ZNF717: variants seen among roughly 807,000 people sequenced by gnomAD.
ZNF717 encodes the protein zinc finger protein 717.
In ZNF717, 9 loss-of-function variants were observed where a neutral mutation model predicts 13.8. The ratio of observed to expected loss-of-function variants is 0.65; its 90% CI spans 0.39 to 1.14. The LOEUF is 1.14. Among genes scored for constraint, ZNF717 ranks in the 50% most tolerant of loss-of-function variants. The probability of loss-of-function intolerance (pLI) is 0.01; values close to 1 mark genes in which losing one functional copy is unlikely to be tolerated. For synonymous variants in ZNF717, 327 were observed against 364.1 expected (o/e 0.90, Z 1.16); for missense variants, 1,040 against 1,080.7 (o/e 0.96, Z 0.53).
chr3:75,763,118 G>A (rs1287169131), intron 2 of ZNF717, among the ~76,000 whole-genome samples: 2 of 152,172 alleles, frequency 1.3e-5, no homozygotes, highest in Non-Finnish European at 2.9e-5. Context: ...AATGCTTTAT[G>A]ACAATGAATT....
downstream of ZNF717, among the ~76,000 whole-genome samples, chr3:75,708,871 G>A (rs1365255990): frequency 6.6e-6 from 1 of 152,196 alleles, no homozygotes; most frequent in Non-Finnish European, 1.5e-5. Flanking sequence ...TCTGGCATCT[G>A]CTTCTGGTGA....
rs77636091 is a variant in ZNF717, at chr3:75,739,263, G to A, written c.360C>T (p.Ser120=). ...CAACTCTCTCCTGAGTTGATGTGTT[G>A]CTGTTGGTGATTACAATTTGCCAGA... ...RFFWQIVITN[S]NTSTQERVEL... is the part of the protein sequence containing the mutation. The change falls in exon 5 of 5, where the codon AGC becomes AGT. Residue 120 remains serine (S), a synonymous_variant. Coordinates refer to ENST00000652011, the MANE Select transcript of ZNF717 (RefSeq NM_001290208.3). The A allele has an allele frequency of 6.5e-7, 1 of 1,529,128 alleles. No individual in the cohort carries two copies. The highest frequency in any genetic ancestry group is 2.2e-5 in the Admixed American group (1 of 46,168). The allele number at this position is 1,529,128 out of a possible 1,614,324, so 94.7% of individuals were successfully genotyped here.
At chr3:75,751,851 C>T (rs796261641) in intron 2 of ZNF717, among the ~76,000 whole-genome samples, 5 of 151,636 alleles carry the variant, frequency 3.3e-5, no homozygotes, top group Admixed American at 1.3e-4. Context: ...TTCTCCCTCA[C>T]GTAAGATTTC....
chr3:75,738,113 C>T lies in ZNF717; in HGVS notation c.1510G>A (p.Glu504Lys), dbSNP rs80019510. 7.4e-7 allele frequency: 1 copy of T among 1,352,426 alleles called. No homozygotes were observed. The highest frequency in any genetic ancestry group is 9.9e-7 in the Non-Finnish European group (1 of 1,012,830). The allele number at this position is 1,352,426 out of a possible 1,614,324, so 83.8% of individuals were successfully genotyped here. Residue 504 changes from glutamate to lysine, a missense_variant, in exon 5 of 5, where the codon GAA becomes AAA. Physicochemically the swap from Glu to Lys is moderately conservative, Grantham distance 56. Around this residue, in one of 3 missense-constraint regions of ZNF717, gnomAD observed 873 missense variants for 832.8 expected, o/e 1.05. Coordinates refer to ENST00000652011, the MANE Select transcript of ZNF717 (RefSeq NM_001290208.3). ...CATTCATTGCATTCGTAGGGTTTTT[C>T]CCCTGTGTGAGTCCATTGATGGATA... is the stretch of plus-strand genomic sequence containing the variant. Reference protein sequence around the residue: ...LTIHQWTHTGEKPYECNECGK... With the variant: ...LTIHQWTHTGKKPYECNECGK...
intron 2 of ZNF717, among the ~76,000 whole-genome samples, chr3:75,751,709 T>C (rs1211837231): frequency 1.4e-5 from 2 of 147,128 alleles, no homozygotes; most frequent in South Asian, 2.2e-4. Context: ...TGCCCTCACA[T>C]AGGATTCCAG....
intron 4 of ZNF717, among the ~76,000 whole-genome samples, chr3:75,717,770 A>C (rs1474028240): frequency 7.2e-5 from 11 of 152,302 alleles, no homozygotes; most frequent in Non-Finnish European, 1.5e-5. Flanking sequence ...AGAGACACAG[A>C]CAATATTGGC....
chr3:75,738,451 CCT>C lies in ZNF717; in HGVS notation c.1170_1171del (p.Glu392LysfsTer6), dbSNP rs764649754. ...TTCACTACACTGATAGGGCTTTTCCCCTGAGTGAGTTCTGTGATGTAAAGTGA... is the reference window on the plus strand; with the variant it reads ...TTCACTACACTGATAGGGCTTTTCCCGAGTGAGTTCTGTGATGTAAAGTGA... On this transcript the variant is annotated frameshift_variant, in exon 5 of 5. Coordinates refer to ENST00000652011, the MANE Select transcript of ZNF717 (RefSeq NM_001290208.3). LOFTEE classifies it low-confidence loss of function (END_TRUNC). The C allele has an allele frequency of 2.4e-5, 36 of 1,531,296 alleles. No individual in the cohort carries two copies. Among genetic ancestry groups the C allele is most frequent in the African/African-American group, 6.9e-5 (5 of 72,492 alleles). The allele number at this position is 1,531,296 out of a possible 1,614,324, so 94.9% of individuals were successfully genotyped here.
chr3:75,716,754 T>C (rs1003231527), intron 4 of ZNF717, among the ~76,000 whole-genome samples: 13 of 152,190 alleles, frequency 8.5e-5, no homozygotes, highest in Non-Finnish European at 1.2e-4. Flanking sequence ...AGGGAGAACA[T>C]CTGTGGGCTT....
At chr3:75,703,208 C>A (rs1451783483) in intron 6 of ZNF717, among the ~76,000 whole-genome samples, 1 of 152,312 alleles carries the variant, frequency 6.6e-6, no homozygotes, top group Non-Finnish European at 1.5e-5. Flanking sequence ...CAGCTCCCTG[C>A]TCAACAGCAG....
downstream of ZNF717, among the ~76,000 whole-genome samples, chr3:75,725,557 G>A: frequency 6.6e-6 from 1 of 152,192 alleles, no homozygotes; most frequent in Non-Finnish European, 1.5e-5. Flanking sequence ...CTATTCTCAT[G>A]CTGCTAATAT....
intron 5 of ZNF717, chr3:75,730,750 C>A: frequency 1.8e-6 from 1 of 565,870 alleles, no homozygotes; most frequent in South Asian, 2.2e-5. Context: ...TATTTACAAA[C>A]AGAAATAGAC....
intron 2 of ZNF717, among the ~76,000 whole-genome samples, chr3:75,778,363 C>A (rs1485693900): frequency 6.6e-6 from 1 of 151,568 alleles, no homozygotes; most frequent in African/African-American, 2.4e-5. Context: ...AACCAGAAAC[C>A]CAAAACAATG....
At chr3:75,771,913 T>C (rs1268907350) in intron 2 of ZNF717, among the ~76,000 whole-genome samples, 2 of 152,200 alleles carry the variant, frequency 1.3e-5, no homozygotes, top group Non-Finnish European at 2.9e-5. Context: ...CAAATTTGGA[T>C]CCAAGTTGAG....
At chr3:75,739,584 T>C (rs1940076616) in intron 4 of ZNF717, among the ~76,000 whole-genome samples, 1 of 152,208 alleles carries the variant, frequency 6.6e-6, no homozygotes. Context: ...CTGTTCTTTT[T>C]TATTTCACAA....
chr3:75,777,120 T>C (rs1944379866), intron 2 of ZNF717, among the ~76,000 whole-genome samples: 1 of 152,216 alleles, frequency 6.6e-6, no homozygotes, highest in South Asian at 2.1e-4. Context: ...ATGGTATCTC[T>C]TCAACTGGAA....
downstream of ZNF717, among the ~76,000 whole-genome samples, chr3:75,735,629 T>A (rs113829101): frequency 9.1e-6 from 1 of 109,804 alleles, no homozygotes; most frequent in Non-Finnish European, 1.7e-5. Context: ...TGGGTGACTG[T>A]CTCAATAAAA....
downstream of ZNF717, among the ~76,000 whole-genome samples, chr3:75,709,007 C>CT (rs149575572): frequency 0.39 from 56,149 of 142,894 alleles, 10,798 homozygotes; most frequent in East Asian, 0.57. Flanking sequence ...TTTTTCTTTT[C>CT]TTTTTTTTTT....
At chr3:75,744,510 C>T (rs1200755762) in intron 2 of ZNF717, among the ~76,000 whole-genome samples, 1 of 152,226 alleles carries the variant, frequency 6.6e-6, no homozygotes. Context: ...GACTTAATAG[C>T]TTACAGGAAA....
chr3:75,752,445 G>A (rs1453198018), intron 2 of ZNF717, among the ~76,000 whole-genome samples: 2 of 130,902 alleles, frequency 1.5e-5, no homozygotes, highest in Non-Finnish European at 3.4e-5. Flanking sequence ...ACTGCTATGC[G>A]GTTCTGAATG....
Sources: allele counts gnomAD v4.1 joint callset (sites outside exome capture counted in the v4.1 genomes callset), GRCh38; gene constraint gnomAD v4.1.1; regional missense constraint gnomAD v4.1.1; transcripts MANE v1.5; gene names NCBI Gene and HGNC (gene_info 2026-07-23, HGNC 2026-07-21).